ABCC8: variants seen among roughly 807,000 people sequenced by gnomAD.
ABCC8 encodes the protein ATP binding cassette subfamily C member 8.
In ABCC8, 137 loss-of-function variants were observed where a neutral mutation model predicts 188.0. That is an observed-to-expected ratio of 0.73 (90% CI 0.63 to 0.84). The LOEUF is 0.84. ABCC8 is among the 40% of genes least tolerant of loss of function. ABCC8 has a pLI of 0.00. For missense variants in ABCC8, 1,750 were observed against 2,072.7 expected, an observed-to-expected ratio of 0.84 and a Z score of 3.02; for synonymous variants, 797 against 846.5, an observed-to-expected ratio of 0.94 and a Z score of 1.01.
intron 10 of ABCC8, among the ~76,000 whole-genome samples, chr11:17,438,373 T>C (rs1307412232): frequency 1.7e-5 from 2 of 115,906 alleles, no homozygotes; most frequent in African/African-American, 4.4e-5. Flanking sequence ...CCTGTGGCTC[T>C]GACCACATGG....
intron 10 of ABCC8, 140 bp from the exon 11 acceptor site, chr11:17,432,384 C>T (rs1955887986): frequency 6.6e-7 from 1 of 1,506,244 alleles, no homozygotes; most frequent in Non-Finnish European, 8.9e-7. Context: ...GGGCAGAACT[C>T]TAGCCCTGTG....
At chr11:17,419,701 A>C (rs957119105) in intron 16 of ABCC8, among the ~76,000 whole-genome samples, 1 of 152,254 alleles carries the variant, frequency 6.6e-6, no homozygotes, top group African/African-American at 2.4e-5. Context: ...AAGAAGTCAT[A>C]GCTGAACTGA....
At chr11:17,450,598 C>T (rs1440479583) in intron 7 of ABCC8, among the ~76,000 whole-genome samples, 8 of 144,640 alleles carry the variant, frequency 5.5e-5, no homozygotes, top group Non-Finnish European at 7.5e-5. Flanking sequence ...GGGGTTTCAC[C>T]ATGTTAGCCA....
chr11:17,403,240 C>T (rs950881556), intron 28 of ABCC8, among the ~76,000 whole-genome samples: 8 of 152,160 alleles, frequency 5.3e-5, no homozygotes, highest in African/African-American at 1.2e-4. Flanking sequence ...GGTTTCGTCT[C>T]GGGGTAAGGC....
In ABCC8 at chr11:17,404,001, G is replaced by C. The variant is rs1954377860; in HGVS notation, c.3557+511C>G. ...TTCTTAGAAAATTTTGAGGAGGAAA[G>C]AGGCGTGCATGGATCCAAAGCTCAT... On this transcript the variant is annotated intron_variant, in intron 28 of 38. Transcript: ENST00000389817. This position sits in a 1 kb window ranked among gnomAD's most constrained non-coding sequence, Gnocchi z 4.7. 6.6e-6 allele frequency among the ~76,000 whole-genome samples: 1 copy of C among 152,210 alleles called. No individual in the cohort carries two copies. Among genetic ancestry groups the C allele is most frequent in the Non-Finnish European group, 1.5e-5 (1 of 68,040 alleles).
intron 10 of ABCC8, among the ~76,000 whole-genome samples, chr11:17,442,388 G>A (rs929116756): frequency 1.1e-4 from 16 of 152,140 alleles, no homozygotes; most frequent in African/African-American, 3.4e-4. Flanking sequence ...TCAAAACTGT[G>A]GTCATTTACT....
At position 17,413,396 on chromosome 11, in the gene ABCC8, G is replaced by T. The variant is rs779736828; in HGVS notation, c.2473C>A (p.Arg825=). The T allele has an allele frequency of 2.3e-5, 37 of 1,614,048 alleles. No homozygotes were observed. Among genetic ancestry groups the T allele is most frequent in the East Asian group, 4.5e-5 (2 of 44,894 alleles). Residue 825 remains arginine (R), a splice_region_variant and synonymous_variant, in exon 20 of 39, where the codon CGG becomes AGG. Transcript: ENST00000389817. ...ACCCCTCAGAGGCTGCTACTAACCCGTTCCCCAATCTGGGTCTGGTCTCCA... is the reference window on the plus strand; with the variant it reads ...ACCCCTCAGAGGCTGCTACTAACCCTTTCCCCAATCTGGGTCTGGTCTCCA... ...PHGDQTQIGE[R]GINLSGGQRQ...
At chr11:17,396,399 G>A (rs951955578) in intron 33 of ABCC8, 2 of 314,514 alleles carry the variant, frequency 6.4e-6, no homozygotes, top group Non-Finnish European at 1.2e-5. Context: ...TGACATAGAA[G>A]GATGAGAGAG....
chr11:17,425,734 G>A (rs1312271389), intron 16 of ABCC8, among the ~76,000 whole-genome samples: 5 of 151,984 alleles, frequency 3.3e-5, no homozygotes, highest in African/African-American at 9.7e-5. Context: ...CGTGCAGAAC[G>A]TGCAGGTTTG....
rs138960977 is a variant in ABCC8, at chr11:17,441,641, T to C, written c.1630+1079A>G. Among the ~76,000 whole-genome samples, 642 of 152,234 alleles carry C rather than the reference T, an allele frequency of 4.2e-3. 5 individuals are homozygous for C. The highest frequency in any genetic ancestry group is 0.014 in the African/African-American group (593 of 41,552). On this transcript the variant is annotated intron_variant, in intron 10 of 38. Transcript: ENST00000389817. ...TTATGCACTTGGGAAGTAACCACCA[T>C]GGGATGGGTCCACGGAGCCACGAGA...
At position 17,413,382 on chromosome 11, in the gene ABCC8, G is replaced by A. The variant is rs1290063199; in HGVS notation, c.2475+12C>T. 1.2e-6 allele frequency: 2 copies of A among 1,614,196 alleles called. No individual in the cohort carries two copies. The highest frequency in any genetic ancestry group is 1.7e-6 in the Non-Finnish European group (2 of 1,180,040). The stretch of plus-strand genomic sequence containing the variant: ...CTGGCTTTGAAAAAACCCCTCAGAG[G>A]CTGCTACTAACCCGTTCCCCAATCT... On this transcript the variant is annotated intron_variant, in intron 20 of 38. Coordinates refer to ENST00000389817, the MANE Select transcript of ABCC8 (RefSeq NM_000352.6).
At chr11:17,469,076 TCCC>T (rs1564989325) in intron 3 of ABCC8, among the ~76,000 whole-genome samples, 2 of 105,452 alleles carry the variant, frequency 1.9e-5, no homozygotes, top group Admixed American at 1.2e-4. Context: ...CTCCCTTCCC[TCCC>T]TCCCTCCTTC....
intron 10 of ABCC8, among the ~76,000 whole-genome samples, chr11:17,440,787 G>A (rs1055024913): frequency 6.6e-6 from 1 of 152,234 alleles, no homozygotes; most frequent in African/African-American, 2.4e-5. Flanking sequence ...GGTATTCATG[G>A]CCAGCCCCAT....
chr11:17,430,821 G>C lies in ABCC8; in HGVS notation c.1810C>G (p.Leu604Val), dbSNP rs1379054952. Residue 604 changes from leucine to valine, a missense_variant, in exon 12 of 39, where the codon CTA (leucine) becomes GTA (valine). Leu to Val is a conservative substitution (Grantham distance 32, BLOSUM62 1). Coordinates refer to ENST00000389817, the MANE Select transcript of ABCC8 (RefSeq NM_000352.6). ...CCCGGACCCTCCCCTCACCTCACTAGAGCTTTGACGGTAGATCGGACCACA... is the reference window on the plus strand; with the variant it reads ...CCCGGACCCTCCCCTCACCTCACTACAGCTTTGACGGTAGATCGGACCACA... Reference protein sequence around the residue: ...SSVVRSTVKALVSVQKLSEFL... With the variant: ...SSVVRSTVKAVVSVQKLSEFL... 6.2e-7 allele frequency: 1 copy of C among 1,614,210 alleles called. No homozygotes were observed.
intron 7 of ABCC8, among the ~76,000 whole-genome samples, chr11:17,450,587 C>T (rs1484857044): frequency 3.8e-4 from 54 of 143,692 alleles, no homozygotes; most frequent in South Asian, 1.1e-3. Flanking sequence ...TTAGTAGAGA[C>T]GGGGTTTCAC....
Position 17,395,670 on chromosome 11 carries a change from G to T in ABCC8, c.4247C>A (p.Thr1416Asn), listed in dbSNP as rs756920079. ...GIDIAKLPLHTLRSRLSIILQ... is the reference protein window; with the variant it reads ...GIDIAKLPLHNLRSRLSIILQ... ...GATGATGGAGAGGCGTGAGCGCAGG[G>T]TGTGCAGCGGCAGTTTGGCGATGTC... Residue 1416 changes from threonine to asparagine, a missense_variant, in exon 35 of 39, where the codon ACC becomes AAC. Coordinates refer to ENST00000389817, the MANE Select transcript of ABCC8 (RefSeq NM_000352.6). The T allele has an allele frequency of 6.4e-7, 1 of 1,560,864 alleles. No homozygotes were observed. Among genetic ancestry groups the T allele is most frequent in the Admixed American group, 1.9e-5 (1 of 52,060 alleles).
intron 3 of ABCC8, among the ~76,000 whole-genome samples, chr11:17,468,614 A>G (rs1000738927): frequency 6.6e-6 from 1 of 152,218 alleles, no homozygotes; most frequent in African/African-American, 2.4e-5. Flanking sequence ...GGAAAATAAT[A>G]ATGGTACCTA....
At chr11:17,393,560 G>T in intron 38 of ABCC8, 137 bp downstream of exon 38, 5 of 1,389,026 alleles carry the variant, frequency 3.6e-6, no homozygotes, top group East Asian at 2.3e-5. Context: ...CAGGCCCCTT[G>T]CCCTGAACTG....
intron 3 of ABCC8, among the ~76,000 whole-genome samples, chr11:17,464,149 A>C (rs1300108372): frequency 6.6e-6 from 1 of 152,244 alleles, no homozygotes; most frequent in Non-Finnish European, 1.5e-5. Flanking sequence ...TGGAATTTCC[A>C]AGTGAGGGAA....
Sources: allele counts gnomAD v4.1 joint callset (sites outside exome capture counted in the v4.1 genomes callset), GRCh38; gene constraint gnomAD v4.1.1; non-coding constraint Gnocchi (gnomAD v3.1); transcripts MANE v1.5; gene names NCBI Gene and HGNC (gene_info 2026-07-23, HGNC 2026-07-21).